The following CEP250 variants were observed in gnomAD, a reference collection of about 807,000 sequenced individuals.
The protein encoded by CEP250 is centrosomal protein 250, also known as centrosome-associated protein CEP250.
Under a neutral mutation model 315.7 loss-of-function variants are expected in CEP250, and 242 were observed. That is an observed-to-expected ratio of 0.77 (90% CI 0.69 to 0.85). CEP250 has a LOEUF of 0.85. Ranked by LOEUF, CEP250 falls within the 40% of genes least tolerant of loss-of-function variation. CEP250 has a pLI of 0.00. For synonymous variants in CEP250, 1,088 were observed against 1,175.0 expected (o/e 0.93, Z 1.51); for missense variants, 2,515 against 2,886.4 (o/e 0.87, Z 2.95).
In CEP250 at chr20:35,490,632, G is replaced by A; in HGVS notation, c.2587-5G>A. The A allele has an allele frequency of 1.9e-6, 3 of 1,611,314 alleles. No homozygotes were observed. Among genetic ancestry groups the A allele is most frequent in the Non-Finnish European group, 8.5e-7 (1 of 1,179,384 alleles). On this transcript the variant is annotated splice_polypyrimidine_tract_variant and splice_region_variant and intron_variant, in intron 20 of 34. Transcript: ENST00000397527. ...GTTCTAATGGTGTTTCCTTCATGTG[G>A]CCAGGAGAAGGAGCGCTCCTGGCAC...
chr20:35,516,992 A>T lies in CEP250; in HGVS notation c.*5366A>T. On this transcript the variant is annotated 3_prime_UTR_variant, in exon 35 of 35. Coordinates refer to ENST00000397527, the MANE Select transcript of CEP250 (RefSeq NM_007186.6). ...ATTCTTGTCCCACAGGGCAGAGCAC[A>T]TGGCAAGTGGCATGCTGACTCAGAC... is the stretch of plus-strand genomic sequence containing the variant. 4.1e-6 allele frequency: 4 copies of T among 985,568 alleles called. No homozygotes were observed. The highest frequency in any genetic ancestry group is 4.8e-6 in the Non-Finnish European group (4 of 829,994). The allele number at this position is 985,568 out of a possible 1,614,324, so 61.1% of individuals were successfully genotyped here.
chr20:35,463,538 T>C, intron 4 of CEP250, 37 bp from the exon 5 acceptor site: 1 of 1,573,282 alleles, frequency 6.4e-7, no homozygotes, highest in Non-Finnish European at 8.6e-7. Flanking sequence ...TTGTGCCAGC[T>C]GTGTTCATTG....
chr20:35,505,641 A>G (rs1967455216), intron 30 of CEP250, among the ~76,000 whole-genome samples: 1 of 136,010 alleles, frequency 7.4e-6, no homozygotes, highest in African/African-American at 2.6e-5. Context: ...CAAAGAAACG[A>G]GACTCCATCT....
rs1284053668 is a variant in CEP250 at position 35,494,470 on chromosome 20, T to C, written c.3034-54T>C. On this transcript the variant is annotated intron_variant, in intron 23 of 34. Coordinates refer to ENST00000397527, the MANE Select transcript of CEP250 (RefSeq NM_007186.6). ...CCTGAAGCCCTAGGTGAGGAGCATCTTCCCACCGGCCCCCTGCCCTGCCAT... is the reference window on the plus strand; with the variant it reads ...CCTGAAGCCCTAGGTGAGGAGCATCCTCCCACCGGCCCCCTGCCCTGCCAT... 2.5e-6 allele frequency: 4 copies of C among 1,608,032 alleles called. No individual in the cohort carries two copies. The African/African-American group carries it at 4.0e-5, about 16-fold the overall frequency.
Position 35,504,814 on chromosome 20 carries a change from C to CAGCGGG in CEP250, c.6449_6454dup (p.Arg2150_Glu2151dup), listed in dbSNP as rs1568840359. 6.2e-7 allele frequency: 1 copy of CAGCGGG among 1,614,242 alleles called. No homozygotes were observed. The highest frequency in any genetic ancestry group is 8.5e-7 in the Non-Finnish European group (1 of 1,180,044). On this transcript the variant is annotated inframe_insertion, in exon 30 of 35. Transcript: ENST00000397527. ...ACTTGATTCTTTAGAGCCCAGGCTGCAGCGGGAGCTGGAGCGGCTACAGGC... is the reference window on the plus strand; with the variant it reads ...ACTTGATTCTTTAGAGCCCAGGCTGCAGCGGGAGCGGGAGCTGGAGCGGCTACAGGC...
At chr20:35,480,793 A>G (rs1163941254) in intron 20 of CEP250, among the ~76,000 whole-genome samples, 3 of 151,836 alleles carry the variant, frequency 2.0e-5, no homozygotes, top group African/African-American at 7.3e-5. Flanking sequence ...GGGTTTCACC[A>G]TGTTGGCCAG....
At chr20:35,464,331 GTCCTACTTAC>G (rs1281074573) in intron 5 of CEP250, among the ~76,000 whole-genome samples, 1 of 152,032 alleles carries the variant, frequency 6.6e-6, no homozygotes, top group Non-Finnish European at 1.5e-5. Flanking sequence ...TTGAGACAGG[GTCCTACTTAC>G]TCTGTCGCCC....
At chr20:35,473,342 A>G (rs771462240) in intron 12 of CEP250, 32 bp from the exon 13 acceptor site, 8 of 1,575,204 alleles carry the variant, frequency 5.1e-6, no homozygotes, top group African/African-American at 1.4e-5. Context: ...GCCCTTGTTC[A>G]TCATCTGGTT....
intron 22 of CEP250, among the ~76,000 whole-genome samples, 156 bp downstream of exon 22, chr20:35,491,502 A>T (rs1447327121): frequency 1.3e-5 from 2 of 152,108 alleles, no homozygotes. Flanking sequence ...GGCAGGGTAG[A>T]TCACGCCTGT....
chr20:35,490,223 G>T (rs1290825446), intron 20 of CEP250, among the ~76,000 whole-genome samples: 1 of 152,158 alleles, frequency 6.6e-6, no homozygotes, highest in East Asian at 1.9e-4. Context: ...TGAGACAGGA[G>T]AATCACTTGA....
intron 19 of CEP250, 101 bp downstream of exon 19, chr20:35,479,874 A>G (rs2063294118): frequency 2.5e-6 from 4 of 1,595,542 alleles, no homozygotes; most frequent in Admixed American, 3.4e-5. Context: ...AGCAGGGTGC[A>G]GGGCCTCTGA....
chr20:35,511,647 C>T lies in CEP250; in HGVS notation c.*21C>T. The T allele has an allele frequency of 1.2e-6, 2 of 1,600,382 alleles. No homozygotes were observed. The highest frequency in any genetic ancestry group is 8.5e-7 in the Non-Finnish European group (1 of 1,172,290). ...GGTAGCAGCCACAGCCAGGAGCACA[C>T]AGACAGAAGACTGTGTCATGGGTCA... On this transcript the variant is annotated 3_prime_UTR_variant, in exon 35 of 35. Coordinates refer to ENST00000397527, the MANE Select transcript of CEP250 (RefSeq NM_007186.6).
chr20:35,498,011 G>C lies in CEP250; in HGVS notation c.3599G>C (p.Arg1200Thr), dbSNP rs752090734. ...QQALGSVCES[R>T]PELSGGGDSA... ...GCCCTGGGGTCTGTTTGTGAGAGCAGGCCTGAGCTGAGTGGTGGGGGAGAC... is the reference window on the plus strand; with the variant it reads ...GCCCTGGGGTCTGTTTGTGAGAGCACGCCTGAGCTGAGTGGTGGGGGAGAC... Residue 1200 changes from arginine to threonine, a missense_variant, in exon 26 of 35, where the codon AGG becomes ACG. By Grantham distance (71) the Arg-to-Thr change is moderately conservative. Transcript: ENST00000397527. 4.4e-6 allele frequency: 7 copies of C among 1,607,230 alleles called. No individual in the cohort carries two copies.
rs1568814823 is a variant in CEP250, at chr20:35,494,565, C to T, written c.3075C>T (p.Ser1025=). The T allele has an allele frequency of 1.2e-6, 2 of 1,614,010 alleles. No individual in the cohort carries two copies. The highest frequency in any genetic ancestry group is 1.7e-6 in the Non-Finnish European group (2 of 1,180,006). The change falls in exon 24 of 35, where the codon TCC becomes TCT. Residue 1025 remains serine (S), a synonymous_variant. Coordinates refer to ENST00000397527, the MANE Select transcript of CEP250 (RefSeq NM_007186.6). The stretch of plus-strand genomic sequence containing the variant: ...CTCAGCTGGTGGCCCAGGATGACTC[C>T]CAGAGGCTGGTGGAGCAGGAGGTTC... ...LKSQLVAQDD[S]QRLVEQEVQE...
intron 14 of CEP250, 54 bp from the exon 15 acceptor site, chr20:35,475,448 G>C (rs780057495): frequency 6.4e-6 from 10 of 1,572,326 alleles, no homozygotes; most frequent in Admixed American, 3.5e-5. Context: ...GTTACCTTTG[G>C]GGTTATGGCC....
chr20:35,457,987 G>C, intron 1 of CEP250, among the ~76,000 whole-genome samples: 1 of 152,202 alleles, frequency 6.6e-6, no homozygotes, highest in East Asian at 1.9e-4. Context: ...TTTAAATAAG[G>C]AGCTGCATGC....
At chr20:35,486,440 A>G (rs904086202) in intron 20 of CEP250, among the ~76,000 whole-genome samples, 1 of 149,492 alleles carries the variant, frequency 6.7e-6, no homozygotes, top group Non-Finnish European at 1.5e-5. Flanking sequence ...ATGTGATCTC[A>G]CTTTGTTGCC....
chr20:35,466,965 G>C lies in CEP250; in HGVS notation c.493-1G>C. On this transcript the variant is annotated splice_acceptor_variant, in intron 7 of 34. Coordinates refer to ENST00000397527, the MANE Select transcript of CEP250 (RefSeq NM_007186.6). LOFTEE classifies it high-confidence loss of function. ...TATGACCTGGGTTTCTGAACACACA[G>C]TTCTTCAAGGGCTACCTGAAAGGGG... The C allele has an allele frequency of 1.2e-6, 2 of 1,608,336 alleles. No homozygotes were observed. Among genetic ancestry groups the C allele is most frequent in the Non-Finnish European group, 1.7e-6 (2 of 1,174,874 alleles).
intron 28 of CEP250, among the ~76,000 whole-genome samples, chr20:35,501,508 G>A (rs2064001233): frequency 6.6e-6 from 1 of 152,088 alleles, no homozygotes; most frequent in South Asian, 2.1e-4. Context: ...TTATAGGACT[G>A]GGGGCTAGAA....
Sources: allele counts gnomAD v4.1 joint callset (sites outside exome capture counted in the v4.1 genomes callset), GRCh38; gene constraint gnomAD v4.1.1; transcripts MANE v1.5; gene names NCBI Gene and HGNC (gene_info 2026-07-23, HGNC 2026-07-21).